AGAP1: variants seen among roughly 807,000 people sequenced by gnomAD.
AGAP1 encodes the protein ArfGAP with GTPase domain, ankyrin repeat and PH domain 1, also known as arf-GAP with GTPase, ANK repeat and PH domain-containing protein 1.
Under a neutral mutation model 105.3 loss-of-function variants are expected in AGAP1, and 29 were observed. The observed-to-expected ratio is 0.28, with a 90% CI of 0.21 to 0.38. The LOEUF (loss-of-function observed/expected upper bound fraction) is 0.38. Among genes scored for constraint, AGAP1 ranks in the 10% least tolerant of loss-of-function variants. AGAP1 has a pLI of 1.00. For missense variants in AGAP1, 998 were observed against 1,165.1 expected, an observed-to-expected ratio of 0.86 and a Z score of 2.09; for synonymous variants, 509 against 485.9, an observed-to-expected ratio of 1.05 and a Z score of -0.63.
intron 13 of AGAP1, among the ~76,000 whole-genome samples, chr2:236,019,556 C>T (rs1252366234): frequency 6.6e-6 from 1 of 152,172 alleles, no homozygotes; most frequent in Non-Finnish European, 1.5e-5. Context: ...GAAACCGAGC[C>T]TGGGAGAAGG....
At position 236,012,400 on chromosome 2, in the gene AGAP1, G is replaced by A. The variant is rs1443358228; in HGVS notation, c.1646-24161G>A. Among the ~76,000 whole-genome samples the A allele has an allele frequency of 6.6e-6, 1 of 152,084 alleles. No homozygotes were observed. The highest frequency in any genetic ancestry group is 2.4e-5 in the African/African-American group (1 of 41,418). On this transcript the variant is annotated intron_variant, in intron 13 of 17. Transcript: ENST00000304032. This position sits in a 1 kb window ranked among gnomAD's most constrained non-coding sequence, Gnocchi z 4.9. ...TCATGGCTACCTCTTTCTGGAACTT[G>A]CGAAATACTGTCCCAGACACCAGAG...
chr2:235,694,916 C>T (rs1396552781), intron 1 of AGAP1, among the ~76,000 whole-genome samples: 1 of 151,928 alleles, frequency 6.6e-6, no homozygotes, highest in East Asian at 1.9e-4. Flanking sequence ...TTCGCAGTTT[C>T]ACCTGGTTTA....
At chr2:236,047,639 A>C (rs1388009205) in intron 15 of AGAP1, among the ~76,000 whole-genome samples, 5 of 98,440 alleles carry the variant, frequency 5.1e-5, no homozygotes, top group South Asian at 3.2e-4. Flanking sequence ...TCGTTCTGTC[A>C]CCCAGGCTGG....
At position 236,044,318 on chromosome 2, in the gene AGAP1, C is replaced by T. The variant is rs1332654593; in HGVS notation, c.1891+3477C>T. Among the ~76,000 whole-genome samples, 2 of 152,142 alleles carry T rather than the reference C, an allele frequency of 1.3e-5. No individual in the cohort carries two copies. Among genetic ancestry groups the T allele is most frequent in the Admixed American group, 1.3e-4 (2 of 15,268 alleles). On this transcript the variant is annotated intron_variant, in intron 15 of 17. Coordinates refer to ENST00000304032, the MANE Select transcript of AGAP1 (RefSeq NM_001037131.3). The surrounding 1 kb of genome is among the most constrained non-coding windows in gnomAD (Gnocchi z 5.7). ...TGCCAGGAACATGCCAAGGAAAGTC[C>T]ACACCTGAGGGCCCCTGAGAATCCT...
Position 235,663,794 on chromosome 2 carries a change from T to G in AGAP1, c.164-45385T>G, listed in dbSNP as rs1948039492. On this transcript the variant is annotated intron_variant, in intron 1 of 17. Coordinates refer to ENST00000304032, the MANE Select transcript of AGAP1 (RefSeq NM_001037131.3). This position sits in a 1 kb window ranked among gnomAD's most constrained non-coding sequence, Gnocchi z 5.4. ...CTTCCCTGTGCTTTGAGAAGGAATG[T>G]CTGCATGAAGACCATCGTACAGATG... is the stretch of plus-strand genomic sequence containing the variant. Among the ~76,000 whole-genome samples the G allele has an allele frequency of 6.6e-6, 1 of 152,216 alleles. No homozygotes were observed. Among genetic ancestry groups the G allele is most frequent in the South Asian group, 2.1e-4 (1 of 4,822 alleles).
rs988236823 is a variant in AGAP1, at chr2:235,612,001, C to T, written c.164-97178C>T. Reference sequence around the variant, plus strand: ...AGCGGCCTCCCTGCTAGGCAGTCCTCCATCAATACTGATGTTAATAATTAT... The same window carrying T: ...AGCGGCCTCCCTGCTAGGCAGTCCTTCATCAATACTGATGTTAATAATTAT... On this transcript the variant is annotated intron_variant, in intron 1 of 17. Transcript: ENST00000304032. This position sits in a 1 kb window ranked among gnomAD's most constrained non-coding sequence, Gnocchi z 4.3. Among the ~76,000 whole-genome samples the T allele has an allele frequency of 3.3e-5, 5 of 152,170 alleles. No homozygotes were observed. The highest frequency in any genetic ancestry group is 2.0e-4 in the Admixed American group (3 of 15,278).
chr2:235,556,107 G>A lies in AGAP1; in HGVS notation c.163+61258G>A, dbSNP rs1227779834. ...TCTGGAAGCCTCCAGAAGGATGGAC[G>A]GGGGCACTGAGACCTGAAGAAGGGT... is the stretch of plus-strand genomic sequence containing the variant. On this transcript the variant is annotated intron_variant, in intron 1 of 17. Coordinates refer to ENST00000304032, the MANE Select transcript of AGAP1 (RefSeq NM_001037131.3). This position sits in a 1 kb window ranked among gnomAD's most constrained non-coding sequence, Gnocchi z 5.3. 1.3e-5 allele frequency among the ~76,000 whole-genome samples: 2 copies of A among 152,184 alleles called. No homozygotes were observed. The highest frequency in any genetic ancestry group is 2.9e-5 in the Non-Finnish European group (2 of 68,028).
At chr2:235,942,946 A>C (rs2053329580) in intron 12 of AGAP1, among the ~76,000 whole-genome samples, 1 of 152,204 alleles carries the variant, frequency 6.6e-6, no homozygotes, top group Non-Finnish European at 1.5e-5. Context: ...TCATTTAATT[A>C]GCTGGGCCTA....
rs1943190696 is a variant in AGAP1, at chr2:235,535,672, T to C, written c.163+40823T>C. 6.6e-6 allele frequency among the ~76,000 whole-genome samples: 1 copy of C among 152,056 alleles called. No homozygotes were observed. Among genetic ancestry groups the C allele is most frequent in the Non-Finnish European group, 1.5e-5 (1 of 68,016 alleles). On this transcript the variant is annotated intron_variant, in intron 1 of 17. Transcript: ENST00000304032. This position sits in a 1 kb window ranked among gnomAD's most constrained non-coding sequence, Gnocchi z 5.1. ...CTCCAGCTCCAGCCCTTTAATGCTC[T>C]TTGCCATTCAAGCCACTCACTTTCA...
At chr2:235,892,599 T>C (rs2050596177) in intron 10 of AGAP1, among the ~76,000 whole-genome samples, 2 of 151,320 alleles carry the variant, frequency 1.3e-5, no homozygotes, top group African/African-American at 4.9e-5. Context: ...AAAAAAAAGA[T>C]TGCTATGAGA....
chr2:235,817,894 AAAAAG>A (rs1958550117), intron 9 of AGAP1, among the ~76,000 whole-genome samples: 2 of 152,230 alleles, frequency 1.3e-5, no homozygotes, highest in Admixed American at 1.3e-4. Context: ...CTGTCTCAAA[AAAAAG>A]AAGAGTTTGT....
rs1188809524 is a variant in AGAP1 at position 235,865,748 on chromosome 2, TAG to T, written c.1051-17591_1051-17590del. Among the ~76,000 whole-genome samples, 1 of 152,152 alleles carries T rather than the reference TAG, an allele frequency of 6.6e-6. No homozygotes were observed. Among genetic ancestry groups the T allele is most frequent in the African/African-American group, 2.4e-5 (1 of 41,438 alleles). ...CTGTTCCTATGGAAACACTTTAAAC[TAG>T]AGAGAAAGTTAAAAAGATTTAGTAG... On this transcript the variant is annotated intron_variant, in intron 9 of 17. Coordinates refer to ENST00000304032, the MANE Select transcript of AGAP1 (RefSeq NM_001037131.3). This position sits in a 1 kb window ranked among gnomAD's most constrained non-coding sequence, Gnocchi z 6.2.
In AGAP1 at chr2:235,559,810, T is replaced by C. The variant is rs1944090310; in HGVS notation, c.163+64961T>C. On this transcript the variant is annotated intron_variant, in intron 1 of 17. Transcript: ENST00000304032. The surrounding 1 kb of genome is among the most constrained non-coding windows in gnomAD (Gnocchi z 5.7). Reference sequence around the variant, plus strand: ...TTGTATATCTTAGGAGAAATACCTATTCAAATCTTTTGACTGTTTTTAAAT... The same window carrying C: ...TTGTATATCTTAGGAGAAATACCTACTCAAATCTTTTGACTGTTTTTAAAT... 6.6e-6 allele frequency among the ~76,000 whole-genome samples: 1 copy of C among 152,168 alleles called. No individual in the cohort carries two copies. Among genetic ancestry groups the C allele is most frequent in the Non-Finnish European group, 1.5e-5 (1 of 68,044 alleles).
chr2:235,738,184 C>G (rs563774278), intron 3 of AGAP1, among the ~76,000 whole-genome samples: 103 of 152,102 alleles, frequency 6.8e-4, no homozygotes, highest in Non-Finnish European at 1.2e-3. Flanking sequence ...TGGGTGATTT[C>G]AATGAATGTG....
chr2:235,688,013 C>T (rs374404352), intron 1 of AGAP1, among the ~76,000 whole-genome samples: 20 of 151,458 alleles, frequency 1.3e-4, no homozygotes, highest in African/African-American at 3.6e-4. Context: ...GCCATTCTCC[C>T]GCCTCAGCCT....
chr2:236,118,376 C>T (rs1453967473), intron 16 of AGAP1, among the ~76,000 whole-genome samples: 13 of 138,590 alleles, frequency 9.4e-5, no homozygotes, highest in Admixed American at 5.8e-4. Flanking sequence ...GCTTTTCTTT[C>T]TTTTCTTTTT....
intron 1 of AGAP1, among the ~76,000 whole-genome samples, chr2:235,584,835 C>T (rs79289070): frequency 0.019 from 2,828 of 147,988 alleles, 87 homozygotes; most frequent in African/African-American, 0.068. Context: ...TGCTTTTATT[C>T]GTTTTCTCAG....
intron 1 of AGAP1, among the ~76,000 whole-genome samples, chr2:235,616,430 T>A (rs1423433982): frequency 6.6e-6 from 1 of 152,126 alleles, no homozygotes; most frequent in East Asian, 1.9e-4. Flanking sequence ...AGGCCCAGTG[T>A]TGGTGAAGGT....
rs61257818 is a variant in AGAP1, at chr2:235,867,536, A to AGTGT, written c.1051-15773_1051-15770dup. Among the ~76,000 whole-genome samples the AGTGT allele has an allele frequency of 0.14, 17,269 of 123,188 alleles. 1,173 individuals carry two copies. Among genetic ancestry groups the AGTGT allele is most frequent in the Non-Finnish European group, 0.17 (9,559 of 57,354 alleles). 80.8% of individuals were successfully genotyped at this position (123,188 alleles called of 152,430 possible). A position where few individuals can be genotyped will look rare whatever the true frequency, so the allele number is the denominator to read the frequency against. On this transcript the variant is annotated intron_variant, in intron 9 of 17. Transcript: ENST00000304032. This position sits in a 1 kb window ranked among gnomAD's most constrained non-coding sequence, Gnocchi z 5.4. ...ATCATACACCTTATGCTGGTGCTGCAGTGTGTGTGTGTGTGTGTGTGTGTG... is the reference window on the plus strand; with the variant it reads ...ATCATACACCTTATGCTGGTGCTGCAGTGTGTGTGTGTGTGTGTGTGTGTGTGTG...
Sources: allele counts gnomAD v4.1 joint callset (sites outside exome capture counted in the v4.1 genomes callset), GRCh38; gene constraint gnomAD v4.1.1; non-coding constraint Gnocchi (gnomAD v3.1); transcripts MANE v1.5; gene names NCBI Gene and HGNC (gene_info 2026-07-23, HGNC 2026-07-21).